Variants in PDCD1LG2 observed in about 807,000 individuals in gnomAD.
The protein encoded by PDCD1LG2 is programmed cell death 1 ligand 2.
A neutral mutation model predicts 28.2 loss-of-function variants in PDCD1LG2; 32 were observed. The observed-to-expected ratio is 1.13, with a 90% CI of 0.86 to 1.52. The LOEUF is 1.52. PDCD1LG2 is among the 40% of genes most tolerant of loss of function. The pLI is 0.00. For synonymous variants in PDCD1LG2, 116 were observed against 120.2 expected (o/e 0.97, Z 0.23); for missense variants, 385 against 323.8 (o/e 1.19, Z -1.45).
At chr9:5,526,304 A>C (rs1820378377) in intron 2 of PDCD1LG2, among the ~76,000 whole-genome samples, 1 of 152,212 alleles carries the variant, frequency 6.6e-6, no homozygotes, top group African/African-American at 2.4e-5. Flanking sequence ...TTACTTTTGT[A>C]ACCACCACCC....
At chr9:5,557,378 A>T (rs747283048) in intron 4 of PDCD1LG2, among the ~76,000 whole-genome samples, 1 of 152,210 alleles carries the variant, frequency 6.6e-6, no homozygotes, top group Non-Finnish European at 1.5e-5. Flanking sequence ...AAAGCTTCCT[A>T]GTCTCTCTGT....
intron 1 of PDCD1LG2, among the ~76,000 whole-genome samples, chr9:5,517,810 G>C (rs1820196649): frequency 6.6e-6 from 1 of 152,182 alleles, no homozygotes; most frequent in African/African-American, 2.4e-5. Flanking sequence ...ATCAGATGTA[G>C]AGTGAGAAAA....
At chr9:5,557,554 C>T (rs2129919538) in intron 4 of PDCD1LG2, 64 bp from the exon 5 acceptor site, 2 of 1,577,194 alleles carry the variant, frequency 1.3e-6, no homozygotes, top group Non-Finnish European at 1.7e-6. Context: ...ACTCATGTGG[C>T]CAGCCTGTTG....
At chr9:5,563,864 G>T (rs1816614779) in intron 6 of PDCD1LG2, among the ~76,000 whole-genome samples, 1 of 152,112 alleles carries the variant, frequency 6.6e-6, no homozygotes, top group South Asian at 2.1e-4. Context: ...TCAGTTTTTT[G>T]CTCTTAAGGC....
Position 5,515,941 on chromosome 9 carries a change from A to G in PDCD1LG2, c.-15+5138A>G, listed in dbSNP as rs548112857. Among the ~76,000 whole-genome samples, 33 of 149,942 alleles carry G rather than the reference A, an allele frequency of 2.2e-4. No homozygotes were observed. The East Asian group carries it at 6.1e-3, about 28-fold the overall frequency. ...CCATCTCAAAAAAAAAAAAAAAAAA[A>G]AAAAAAAAGAAAAGAAAGAAAGAAA... On this transcript the variant is annotated intron_variant, in intron 1 of 6. Coordinates refer to ENST00000397747, the MANE Select transcript of PDCD1LG2 (RefSeq NM_025239.4).
At chr9:5,522,171 T>C (rs1820287820) in intron 1 of PDCD1LG2, among the ~76,000 whole-genome samples, 1 of 149,394 alleles carries the variant, frequency 6.7e-6, no homozygotes, top group Non-Finnish European at 1.5e-5. Context: ...CATTATTCAT[T>C]TGACAAACAA....
chr9:5,530,486 A>AG (rs1820461010), intron 2 of PDCD1LG2, among the ~76,000 whole-genome samples: 1 of 149,718 alleles, frequency 6.7e-6, no homozygotes, highest in African/African-American at 2.6e-5. Context: ...AAAAAAAAAA[A>AG]AAACTCACTC....
chr9:5,543,023 A>G (rs1448367093), intron 3 of PDCD1LG2, among the ~76,000 whole-genome samples: 1 of 152,184 alleles, frequency 6.6e-6, no homozygotes, highest in Non-Finnish European at 1.5e-5. Context: ...ACACCATGGA[A>G]TACTACTTAG....
chr9:5,527,829 T>C (rs574522808), intron 2 of PDCD1LG2, among the ~76,000 whole-genome samples: 1 of 151,382 alleles, frequency 6.6e-6, no homozygotes, highest in South Asian at 2.1e-4. Context: ...TATTCTTTTC[T>C]ATTTTTTCTT....
chr9:5,519,109 T>G (rs1457086452), intron 1 of PDCD1LG2, among the ~76,000 whole-genome samples: 1 of 151,952 alleles, frequency 6.6e-6, no homozygotes, highest in African/African-American at 2.4e-5. Flanking sequence ...CGCAAGATCT[T>G]TATTGTGGTT....
At chr9:5,538,637 G>A (rs12344303) in intron 3 of PDCD1LG2, among the ~76,000 whole-genome samples, 11,232 of 151,324 alleles carry the variant, frequency 0.074, 1,361 homozygotes, top group African/African-American at 0.25. Flanking sequence ...GTAGTGAGCC[G>A]AGATCGCTCC....
At chr9:5,514,165 G>A (rs1018865200) in intron 1 of PDCD1LG2, among the ~76,000 whole-genome samples, 2 of 152,172 alleles carry the variant, frequency 1.3e-5, no homozygotes, top group Non-Finnish European at 2.9e-5. Context: ...TACTTCCATA[G>A]AATGTCTATG....
At chr9:5,554,005 C>G (rs996754508) in intron 4 of PDCD1LG2, among the ~76,000 whole-genome samples, 1 of 152,116 alleles carries the variant, frequency 6.6e-6, no homozygotes, top group African/African-American at 2.4e-5. Flanking sequence ...CTACTAGCTC[C>G]AAGCCCACCC....
chr9:5,517,534 A>T (rs1361690280), intron 1 of PDCD1LG2, among the ~76,000 whole-genome samples: 1 of 152,152 alleles, frequency 6.6e-6, no homozygotes, highest in African/African-American at 2.4e-5. Flanking sequence ...TGTTGAAAAA[A>T]CTGGGTTTTA....
chr9:5,538,271 G>GAA (rs1820620073), intron 3 of PDCD1LG2, among the ~76,000 whole-genome samples: 1 of 151,936 alleles, frequency 6.6e-6, no homozygotes, highest in African/African-American at 2.4e-5. Context: ...AATTATTCCA[G>GAA]CATGTTTCAT....
Position 5,570,084 on chromosome 9 carries a change from A to G in PDCD1LG2, c.*125A>G. The G allele has an allele frequency of 4.1e-6, 5 of 1,232,032 alleles. No individual in the cohort carries two copies. The highest frequency in any genetic ancestry group is 5.9e-6 in the Non-Finnish European group (5 of 843,176). The allele number at this position is 1,232,032 out of a possible 1,614,324, so 76.3% of individuals were successfully genotyped here. A position where few individuals can be genotyped will look rare whatever the true frequency, so the allele number is the denominator to read the frequency against. On this transcript the variant is annotated 3_prime_UTR_variant, in exon 7 of 7. Transcript: ENST00000397747. ...CTTTTCAAATGCCTTTGGATGACCC[A>G]GCACTTTAATCTGAAACCTGCAACA...
chr9:5,550,599 G>A (rs374432065), intron 4 of PDCD1LG2, among the ~76,000 whole-genome samples: 15 of 152,062 alleles, frequency 9.9e-5, no homozygotes, highest in African/African-American at 3.4e-4. Flanking sequence ...GCTGCTAGAG[G>A]CCACCTGCAT....
chr9:5,558,133 C>T (rs1006260650), intron 5 of PDCD1LG2, among the ~76,000 whole-genome samples: 2 of 152,146 alleles, frequency 1.3e-5, no homozygotes, highest in South Asian at 4.1e-4. Context: ...CCATTTTCAC[C>T]CCTCTTTTCC....
At chr9:5,568,111 C>T (rs1262755732) in intron 6 of PDCD1LG2, among the ~76,000 whole-genome samples, 1 of 152,132 alleles carries the variant, frequency 6.6e-6, no homozygotes, top group Non-Finnish European at 1.5e-5. Flanking sequence ...AAATATTAGA[C>T]AGAACTCCTA....
Sources: gnomAD v4.1 joint callset for allele counts (sites outside exome capture counted in the v4.1 genomes callset) on GRCh38, gnomAD v4.1.1 for gene constraint, MANE v1.5 for transcripts, NCBI Gene and HGNC (gene_info 2026-07-23, HGNC 2026-07-21) for gene names.